The following ZFAT variants were observed in gnomAD, a reference collection of about 807,000 sequenced individuals.
ZFAT encodes the protein zinc finger protein ZFAT.
In ZFAT, 64 loss-of-function variants were observed where a neutral mutation model predicts 117.7. That is an observed-to-expected ratio of 0.54 (90% confidence interval 0.44 to 0.67). ZFAT has a LOEUF of 0.67. Ranked by LOEUF, ZFAT falls within the 30% of genes least tolerant of loss-of-function variation. The probability of loss-of-function intolerance (pLI) is 0.00; values close to 1 mark genes in which losing one functional copy is unlikely to be tolerated. For synonymous variants in ZFAT, 679 were observed against 615.0 expected, an observed-to-expected ratio of 1.10 and a Z score of -1.54; for missense variants, 1,433 against 1,584.5, an observed-to-expected ratio of 0.90 and a Z score of 1.62.
intron 2 of ZFAT, among the ~76,000 whole-genome samples, chr8:134,640,328 G>A (rs34074875): frequency 0.1 from 15,934 of 152,188 alleles, 1,065 homozygotes; most frequent in Non-Finnish European, 0.16. Context: ...CAGGAGTCTT[G>A]GGCAGACTTG....
At chr8:134,581,482 C>T (rs6577655) in intron 10 of ZFAT, among the ~76,000 whole-genome samples, 67,266 of 152,070 alleles carry the variant, frequency 0.44, 16,664 homozygotes, top group East Asian at 0.89. Context: ...TATTTTGCGA[C>T]GTGACAAAAC....
chr8:134,512,881 A>C (rs1294063516), intron 13 of ZFAT, among the ~76,000 whole-genome samples: 1 of 152,226 alleles, frequency 6.6e-6, no homozygotes, highest in Non-Finnish European at 1.5e-5. Flanking sequence ...TCACAATTAG[A>C]GATTTGACCA....
At chr8:134,656,203 T>C (rs559634161) in intron 2 of ZFAT, among the ~76,000 whole-genome samples, 51 of 152,258 alleles carry the variant, frequency 3.3e-4, no homozygotes, top group Admixed American at 3.3e-3. Flanking sequence ...ACTCTCACTG[T>C]CCCATGCAAA....
Position 134,637,627 on chromosome 8 carries a change from G to A in ZFAT, c.282C>T (p.Ile94=), listed in dbSNP as rs555797778. 3.7e-5 allele frequency: 60 copies of A among 1,614,174 alleles called. No homozygotes were observed. Among genetic ancestry groups the A allele is most frequent in the Middle Eastern group, 3.3e-4 (2 of 6,050 alleles). ...SSTEEELAEN[I]VSPTEDSPLA... is the part of the protein sequence containing the mutation. Reference sequence around the variant, plus strand: ...GCGGGCTGTCCTCAGTCGGACTCACGATGTTTTCTGCCAGCTCCTCTTCTG... The same window carrying A: ...GCGGGCTGTCCTCAGTCGGACTCACAATGTTTTCTGCCAGCTCCTCTTCTG... The change falls in exon 3 of 16, where the codon ATC becomes ATT. Residue 94 remains isoleucine (I), a synonymous_variant. Coordinates refer to ENST00000377838, the MANE Select transcript of ZFAT (RefSeq NM_020863.4).
At chr8:134,550,645 A>C (rs1415793786) in intron 11 of ZFAT, among the ~76,000 whole-genome samples, 1 of 152,244 alleles carries the variant, frequency 6.6e-6, no homozygotes, top group African/African-American at 2.4e-5. Context: ...AATATATTGC[A>C]CACTCTTAGA....
intron 11 of ZFAT, among the ~76,000 whole-genome samples, chr8:134,553,827 G>C (rs1166406455): frequency 6.6e-6 from 1 of 152,192 alleles, no homozygotes; most frequent in Non-Finnish European, 1.5e-5. Context: ...AGAGGGGAGA[G>C]TGCTTGCCCA....
At chr8:134,614,954 AAGTTGCAGGG>A (rs1378759493) in intron 3 of ZFAT, among the ~76,000 whole-genome samples, 1 of 152,174 alleles carries the variant, frequency 6.6e-6, no homozygotes, top group East Asian at 1.9e-4. Flanking sequence ...AGGAGAAAGG[AAGTTGCAGGG>A]AGAAAAGAAG....
chr8:134,773,980 ATTAATTT>A, the ZFAT span, among the ~76,000 whole-genome samples: 2 of 123,632 alleles, frequency 1.6e-5, no homozygotes, highest in Admixed American at 1.8e-4. Context: ...GAGCTTGAGG[ATTAATTT>A]TTTTTTTTTT....
intron 11 of ZFAT, among the ~76,000 whole-genome samples, chr8:134,534,610 A>G (rs1821682207): frequency 6.8e-6 from 1 of 146,646 alleles, no homozygotes; most frequent in Non-Finnish European, 1.5e-5. Context: ...GGAGAGAGGG[A>G]AGAGAGGGAG....
At chr8:134,544,407 C>A (rs1394966355) in intron 11 of ZFAT, among the ~76,000 whole-genome samples, 1 of 151,152 alleles carries the variant, frequency 6.6e-6, no homozygotes, top group Non-Finnish European at 1.5e-5. Context: ...ACCCTCCTAA[C>A]AACAACAACA....
At chr8:134,552,946 T>C (rs2130708269) in intron 11 of ZFAT, among the ~76,000 whole-genome samples, 1 of 152,330 alleles carries the variant, frequency 6.6e-6, no homozygotes, top group South Asian at 2.1e-4. Context: ...CACTTGGAGC[T>C]TCACAGAGGA....
At chr8:134,485,916 C>T (rs138904071) in intron 15 of ZFAT, among the ~76,000 whole-genome samples, 36 of 152,326 alleles carry the variant, frequency 2.4e-4, no homozygotes, top group Non-Finnish European at 4.6e-4. Flanking sequence ...GCTTTCAAAA[C>T]AGGGTGCGAA....
At chr8:134,811,548 G>A in the ZFAT span, among the ~76,000 whole-genome samples, 1 of 152,182 alleles carries the variant, frequency 6.6e-6, no homozygotes, top group Non-Finnish European at 1.5e-5. Context: ...GGCAAGGACA[G>A]GCATGTCTGT....
At chr8:134,514,716 A>T (rs1226883586) in intron 13 of ZFAT, among the ~76,000 whole-genome samples, 1 of 152,236 alleles carries the variant, frequency 6.6e-6, no homozygotes, top group African/African-American at 2.4e-5. Flanking sequence ...GAATGTTTAT[A>T]AAAAAATTTT....
intron 14 of ZFAT, among the ~76,000 whole-genome samples, chr8:134,512,155 A>T (rs561420388): frequency 3.3e-5 from 5 of 152,374 alleles, no homozygotes; most frequent in Admixed American, 2.6e-4. Context: ...ATGAAAAGCA[A>T]CCTTCTGCAT....
At chr8:134,631,603 A>G (rs1235672059) in intron 3 of ZFAT, among the ~76,000 whole-genome samples, 4 of 152,234 alleles carry the variant, frequency 2.6e-5, no homozygotes, top group African/African-American at 9.6e-5. Context: ...TGTTCCCAAA[A>G]TGACAAAATC....
rs139650147 is a variant in ZFAT at position 134,572,357 on chromosome 8, G to A, written c.2888-6936C>T. Among the ~76,000 whole-genome samples the A allele has an allele frequency of 2.8e-3, 427 of 152,338 alleles. 1 individual carries two copies. Among genetic ancestry groups the A allele is most frequent in the African/African-American group, 1.0e-2 (415 of 41,582 alleles). On this transcript the variant is annotated intron_variant, in intron 10 of 15. Coordinates refer to ENST00000377838, the MANE Select transcript of ZFAT (RefSeq NM_020863.4). The stretch of plus-strand genomic sequence containing the variant: ...TTTTCGTGCTGTCTGTGCTCTAACA[G>A]AAAAGCATTTCAGATAATTAGCACC...
At chr8:134,738,797 G>A in the ZFAT span, among the ~76,000 whole-genome samples, 1 of 152,158 alleles carries the variant, frequency 6.6e-6, no homozygotes, top group Non-Finnish European at 1.5e-5. Context: ...ATGTGCAAAG[G>A]CCCAGGGGGA....
the ZFAT span, among the ~76,000 whole-genome samples, chr8:134,773,432 T>A: frequency 1.3e-5 from 2 of 152,298 alleles, 1 homozygote; most frequent in South Asian, 4.1e-4. Context: ...ACAAGATGAG[T>A]GTTTTCATGC....
Sources: gnomAD v4.1 joint callset for allele counts (sites outside exome capture counted in the v4.1 genomes callset) on GRCh38, gnomAD v4.1.1 for gene constraint, MANE v1.5 for transcripts, NCBI Gene and HGNC (gene_info 2026-07-23, HGNC 2026-07-21) for gene names.